SRP19: variants seen among roughly 807,000 people sequenced by gnomAD.
SRP19 encodes the protein signal recognition particle 19 kDa protein.
SRP19 carries 11 observed loss-of-function variants against 22.4 expected under a neutral mutation model. That is an observed-to-expected ratio of 0.49 (90% CI 0.31 to 0.81). The LOEUF (loss-of-function observed/expected upper bound fraction) is 0.81. Ranked by LOEUF, SRP19 falls within the 40% of genes least tolerant of loss-of-function variation. SRP19 has a pLI of 0.05. For synonymous variants in SRP19, 61 were observed against 57.6 expected (o/e 1.06, Z -0.27); for missense variants, 168 against 175.9 (o/e 0.96, Z 0.25).
chr5:112,897,447 C>G (rs1768726975), downstream of SRP19: 1 of 151,146 alleles, frequency 6.6e-6, no homozygotes, highest in African/African-American at 2.4e-5. Context: ...AAAGTATCTC[C>G]CAGATGTAGA....
At chr5:112,878,953 C>G in intron 4 of SRP19, 2 of 1,486,604 alleles carry the variant, frequency 1.3e-6, no homozygotes, top group Non-Finnish European at 1.8e-6. Context: ...GACTCATGTT[C>G]AGGTGCGATC....
chr5:112,880,646 CTAACT>C (rs1208616561), intron 4 of SRP19, among the ~76,000 whole-genome samples: 9 of 152,184 alleles, frequency 5.9e-5, no homozygotes, highest in African/African-American at 2.2e-4. Flanking sequence ...TAAATTCCTC[CTAACT>C]TATTTTAATT....
chr5:112,880,132 C>G (rs1470460937), intron 4 of SRP19, among the ~76,000 whole-genome samples: 1 of 152,026 alleles, frequency 6.6e-6, no homozygotes, highest in Non-Finnish European at 1.5e-5. Flanking sequence ...ACATTCTGTC[C>G]AGGTGTGGTG....
chr5:112,873,428 C>A (rs151228016), downstream of SRP19, among the ~76,000 whole-genome samples: 152 of 149,062 alleles, frequency 1.0e-3, no homozygotes, highest in Admixed American at 2.8e-3. Flanking sequence ...CTCACCGCAA[C>A]CTCTGCCTCC....
intron 1 of SRP19, chr5:112,862,303 G>T (rs1250332954): frequency 3.3e-6 from 2 of 609,990 alleles, no homozygotes; most frequent in Non-Finnish European, 2.9e-6. Context: ...GAGTAGGCCC[G>T]CGGCCAGTCT....
downstream of SRP19, chr5:112,895,262 G>C (rs376985662): frequency 3.1e-4 from 25 of 81,542 alleles, no homozygotes; most frequent in African/African-American, 8.2e-4. Flanking sequence ...AAAAAAATCA[G>C]GAGAGGTGGG....
chr5:112,892,997 A>G, exon 5 of SRP19: 1 of 1,578,382 alleles, frequency 6.3e-7, no homozygotes, highest in Admixed American at 1.7e-5. Flanking sequence ...AGCCGGAGCC[A>G]AAGTTCCTCT....
At chr5:112,891,901 C>CA (rs763078147) in exon 5 of SRP19, 1 of 1,324,988 alleles carries the variant, frequency 7.5e-7, no homozygotes, top group Middle Eastern at 1.8e-4. Flanking sequence ...GCAGAAGGCA[C>CA]AAGAAGAATT....
intron 4 of SRP19, chr5:112,878,880 T>C (rs2150032462): frequency 6.2e-7 from 1 of 1,613,608 alleles, no homozygotes; most frequent in African/African-American, 1.3e-5. Context: ...CAAAGCTCTT[T>C]CTTTGGAATG....
chr5:112,884,787 C>T (rs879862800), intron 4 of SRP19, among the ~76,000 whole-genome samples: 2 of 151,724 alleles, frequency 1.3e-5, no homozygotes, highest in East Asian at 1.9e-4. Flanking sequence ...TGGCCCCCCC[C>T]CATCTTTCTA....
At chr5:112,884,979 T>C (rs538466811) in intron 4 of SRP19, 2 of 152,278 alleles carry the variant, frequency 1.3e-5, no homozygotes, top group East Asian at 3.9e-4. Flanking sequence ...AATAAATAAA[T>C]ATTTATTGAG....
rs1053530564 is a variant in SRP19, at chr5:112,868,698, C to G, written c.*1161C>G. 2 of 151,996 alleles carry G rather than the reference C, an allele frequency of 1.3e-5. No individual in the cohort carries two copies. Among genetic ancestry groups the G allele is most frequent in the African/African-American group, 2.4e-5 (1 of 41,378 alleles). The allele number at this position is 151,996 out of a possible 1,614,324, so 9.4% of individuals were successfully genotyped here. On this transcript the variant is annotated 3_prime_UTR_variant, in exon 5 of 5. Coordinates refer to ENST00000505459, the MANE Select transcript of SRP19 (RefSeq NM_003135.3). Reference sequence around the variant, plus strand: ...TACAGGCATGAGCCACCGTGCCCGGCCTTCTTTACATTTTTATTGCTCACA... The same window carrying G: ...TACAGGCATGAGCCACCGTGCCCGGGCTTCTTTACATTTTTATTGCTCACA...
In SRP19 at chr5:112,868,339, C is replaced by G; in HGVS notation, c.*802C>G. 1 of 987,426 alleles carries G rather than the reference C, an allele frequency of 1.0e-6. No homozygotes were observed. Among genetic ancestry groups the G allele is most frequent in the Non-Finnish European group, 1.2e-6 (1 of 831,238 alleles). The allele number at this position is 987,426 out of a possible 1,614,324, so 61.2% of individuals were successfully genotyped here. A position where few individuals can be genotyped will look rare whatever the true frequency, so the allele number is the denominator to read the frequency against. ...CTGTTCTTCCTGAGGCCTGGTTTAG[C>G]TCTTCCTTGAATTCTGCAAGCTATC... On this transcript the variant is annotated 3_prime_UTR_variant, in exon 5 of 5. Transcript: ENST00000505459.
chr5:112,873,667 C>G (rs1409271861), downstream of SRP19, among the ~76,000 whole-genome samples: 1 of 152,048 alleles, frequency 6.6e-6, no homozygotes. Flanking sequence ...CTTCTTTAAG[C>G]TCTTGTCATC....
intron 4 of SRP19, chr5:112,865,365 A>G (rs1419557124): frequency 2.6e-5 from 4 of 152,130 alleles, no homozygotes; most frequent in African/African-American, 4.8e-5. Context: ...CTAGTGTTTT[A>G]TTTTATGAAA....
downstream of SRP19, among the ~76,000 whole-genome samples, chr5:112,870,209 A>G (rs1251677214): frequency 6.6e-6 from 1 of 152,184 alleles, no homozygotes; most frequent in Non-Finnish European, 1.5e-5. Flanking sequence ...ATACTGGGTC[A>G]GGTACAGTGG....
rs779475906 is a variant in SRP19, at chr5:112,861,308, G to T, written c.-69G>T. The T allele has an allele frequency of 9.5e-6, 15 of 1,583,112 alleles. No individual in the cohort carries two copies. The highest frequency in any genetic ancestry group is 2.2e-5 in the East Asian group (1 of 44,724). ...AAGCGGGCTGTCTCGGAAACTCAGA[G>T]CCGGGTTCCTCCCGGGTTTCTGCCG... On this transcript the variant is annotated 5_prime_UTR_variant, in exon 1 of 5. Coordinates refer to ENST00000505459, the MANE Select transcript of SRP19 (RefSeq NM_003135.3).
chr5:112,891,484 A>T, intron 4 of SRP19: 2 of 996,110 alleles, frequency 2.0e-6, no homozygotes, highest in Non-Finnish European at 2.9e-6. Context: ...AACAAAATGA[A>T]AGTAATTTGT....
chr5:112,864,580 CT>C, intron 3 of SRP19, 40 bp from the exon 4 acceptor site: 1 of 1,611,436 alleles, frequency 6.2e-7, no homozygotes, highest in Non-Finnish European at 8.5e-7. Flanking sequence ...GATGTAATAA[CT>C]TTCTTAAGTC....
Sources: gnomAD v4.1 joint callset for allele counts (sites outside exome capture counted in the v4.1 genomes callset) on GRCh38, gnomAD v4.1.1 for gene constraint, MANE v1.5 for transcripts, NCBI Gene and HGNC (gene_info 2026-07-23, HGNC 2026-07-21) for gene names.